Variants in FUT8 observed in about 807,000 individuals in gnomAD.
The protein encoded by FUT8 is fucosyltransferase 8.
FUT8 carries 29 observed loss-of-function variants against 71.3 expected under a neutral mutation model. That is an observed-to-expected ratio of 0.41 (90% CI 0.30 to 0.55). The LOEUF (loss-of-function observed/expected upper bound fraction) is 0.55, where lower values mean the gene tolerates loss of function less well. Ranked by LOEUF, FUT8 falls within the 20% of genes least tolerant of loss-of-function variation. FUT8 has a pLI of 0.34. For missense variants in FUT8, 544 were observed against 702.1 expected, an observed-to-expected ratio of 0.77 and a Z score of 2.55; for synonymous variants, 254 against 239.3, an observed-to-expected ratio of 1.06 and a Z score of -0.57.
chr14:65,514,212 G>A (rs1369993393), intron 2 of FUT8, among the ~76,000 whole-genome samples: 1 of 75,860 alleles, frequency 1.3e-5, no homozygotes, highest in Non-Finnish European at 2.7e-5. Flanking sequence ...ACCAAGATCG[G>A]TTGGGCAGTT....
At chr14:65,645,311 A>G (rs1891071781) in intron 6 of FUT8, among the ~76,000 whole-genome samples, 1 of 152,234 alleles carries the variant, frequency 6.6e-6, no homozygotes, top group Non-Finnish European at 1.5e-5. Flanking sequence ...AATAATTTTT[A>G]ATTAACTGCT....
chr14:65,493,039 G>T (rs2066505106), intron 2 of FUT8, among the ~76,000 whole-genome samples: 1 of 152,110 alleles, frequency 6.6e-6, no homozygotes, highest in Admixed American at 6.6e-5. Flanking sequence ...ATAGGAGCTT[G>T]TTGATTTTTT....
the FUT8 span, among the ~76,000 whole-genome samples, chr14:65,384,123 ATAGTCAGTTAAGGCAGGATAC>A: frequency 6.6e-6 from 1 of 151,280 alleles, no homozygotes; most frequent in Admixed American, 6.6e-5. The surrounding 1 kb of genome is among the most constrained non-coding windows in gnomAD (Gnocchi z 4.2). Flanking sequence ...ACCACCAAGG[ATAGTCAGTTAAGGCAGGATAC>A]TAGTTAGGAA....
At chr14:65,527,501 G>T (rs920453149) in intron 2 of FUT8, among the ~76,000 whole-genome samples, 1 of 152,064 alleles carries the variant, frequency 6.6e-6, no homozygotes, top group Non-Finnish European at 1.5e-5. Context: ...TCTTTGTGAT[G>T]GGTTTGAACT....
intron 7 of FUT8, among the ~76,000 whole-genome samples, chr14:65,686,712 G>T (rs1893303454): frequency 6.6e-6 from 1 of 152,136 alleles, no homozygotes; most frequent in Non-Finnish European, 1.5e-5. Flanking sequence ...CAAAGAACAA[G>T]AAACTGTTTT....
chr14:65,382,478 G>A, the FUT8 span, among the ~76,000 whole-genome samples: 1 of 152,024 alleles, frequency 6.6e-6, no homozygotes, highest in African/African-American at 2.4e-5. Context: ...TGGGACTATA[G>A]GCACACACCA....
In FUT8 at chr14:65,704,449, C is replaced by T. The variant is rs541304946; in HGVS notation, c.836-17326C>T. Among the ~76,000 whole-genome samples the T allele has an allele frequency of 2.6e-5, 4 of 152,070 alleles. No homozygotes were observed. In the South Asian group the frequency reaches 8.3e-4, roughly 32 times the overall value. ...TCCTACTGCTTTCTGTTCCTATATT[C>T]TTGTTTCTTGCCAATGAAGAGAAGC... On this transcript the variant is annotated intron_variant, in intron 7 of 10. Coordinates refer to ENST00000673929, the MANE Select transcript of FUT8 (RefSeq NM_001371533.1).
chr14:65,677,699 C>T (rs1286246348), intron 7 of FUT8, among the ~76,000 whole-genome samples: 1 of 151,926 alleles, frequency 6.6e-6, no homozygotes, highest in Non-Finnish European at 1.5e-5. Context: ...TGGATCAGTA[C>T]CATAAACAGG....
chr14:65,506,577 A>T (rs1224779603), intron 2 of FUT8, among the ~76,000 whole-genome samples: 1 of 152,226 alleles, frequency 6.6e-6, no homozygotes, highest in Non-Finnish European at 1.5e-5. Flanking sequence ...TTATTTTGAA[A>T]ATTGGGTAGT....
At chr14:65,458,772 CCTTTCTTTTCTTTT>C (rs2065930628) in intron 2 of FUT8, among the ~76,000 whole-genome samples, 1 of 150,492 alleles carries the variant, frequency 6.6e-6, no homozygotes, top group Non-Finnish European at 1.5e-5. Flanking sequence ...TTTTTCCTTT[CCTTTCTTTTCTTTT>C]CTTTCTTTTT....
intron 6 of FUT8, among the ~76,000 whole-genome samples, chr14:65,637,098 T>C (rs1890599047): frequency 6.6e-6 from 1 of 152,206 alleles, no homozygotes; most frequent in African/African-American, 2.4e-5. Flanking sequence ...CTGGTCTTAC[T>C]CTTGTGTTAT....
At chr14:65,528,206 G>A (rs1425692946) in intron 2 of FUT8, among the ~76,000 whole-genome samples, 1 of 152,216 alleles carries the variant, frequency 6.6e-6, no homozygotes, top group Non-Finnish European at 1.5e-5. Context: ...CCCAGTTTGA[G>A]CTTCCAGGCC....
intron 7 of FUT8, among the ~76,000 whole-genome samples, chr14:65,720,831 A>G (rs1165654361): frequency 6.6e-6 from 1 of 152,102 alleles, no homozygotes. Flanking sequence ...GGGCACATCT[A>G]AGTTCTCCCT....
chr14:65,575,644 A>C (rs1315556064), intron 3 of FUT8, among the ~76,000 whole-genome samples: 42 of 101,828 alleles, frequency 4.1e-4, no homozygotes, highest in Admixed American at 7.7e-4. Flanking sequence ...TTTCCCCCAC[A>C]CTCTTGCTCT....
At chr14:65,724,509 A>G (rs1318388252) in intron 9 of FUT8, among the ~76,000 whole-genome samples, 186 bp downstream of exon 9, 1 of 152,260 alleles carries the variant, frequency 6.6e-6, no homozygotes, top group Non-Finnish European at 1.5e-5. Flanking sequence ...GCCATATCCA[A>G]TAATGCCTTA....
intron 2 of FUT8, among the ~76,000 whole-genome samples, chr14:65,466,248 A>G (rs750765673): frequency 9.2e-5 from 14 of 152,188 alleles, no homozygotes; most frequent in Non-Finnish European, 1.6e-4. Context: ...TGTGTCTTTT[A>G]ACTGGTGTAT....
chr14:65,622,027 T>C (rs1375872171), intron 5 of FUT8, among the ~76,000 whole-genome samples: 1 of 152,218 alleles, frequency 6.6e-6, no homozygotes, highest in Admixed American at 6.5e-5. Flanking sequence ...TTTCACCATG[T>C]TGGCCAGGCT....
At chr14:65,561,175 A>G (rs371727584) in intron 2 of FUT8, among the ~76,000 whole-genome samples, 162 bp from the exon 3 acceptor site, 18 of 152,206 alleles carry the variant, frequency 1.2e-4, no homozygotes, top group African/African-American at 4.1e-4. Context: ...TAATATACAG[A>G]TTAACAGATT....
chr14:65,562,868 G>T (rs1885987034), intron 3 of FUT8, among the ~76,000 whole-genome samples: 1 of 152,182 alleles, frequency 6.6e-6, no homozygotes, highest in Admixed American at 6.6e-5. Flanking sequence ...AATGTAGTTG[G>T]CAGTGTTAAA....
Sources: gnomAD v4.1 joint callset for allele counts (sites outside exome capture counted in the v4.1 genomes callset) on GRCh38, gnomAD v4.1.1 for gene constraint, Gnocchi (gnomAD v3.1) non-coding constraint, MANE v1.5 for transcripts, NCBI Gene and HGNC (gene_info 2026-07-23, HGNC 2026-07-21) for gene names.